Variants in ZFP64 observed in about 807,000 individuals in gnomAD.
ZFP64 encodes the protein zinc finger protein 64.
A neutral mutation model predicts 51.6 loss-of-function variants in ZFP64; 14 were observed. The observed-to-expected ratio is 0.27, with a 90% CI of 0.18 to 0.42. The LOEUF is 0.42. Ranked by LOEUF, ZFP64 falls within the 10% of genes least tolerant of loss-of-function variation. The pLI is 1.00. For missense variants in ZFP64, 754 were observed against 906.8 expected, an observed-to-expected ratio of 0.83 and a Z score of 2.16; for synonymous variants, 375 against 361.4, an observed-to-expected ratio of 1.04 and a Z score of -0.43.
In ZFP64 at chr20:52,157,595, C is replaced by T. The variant is rs530022607; in HGVS notation, c.763+2528G>A. Among the ~76,000 whole-genome samples, 62 of 152,328 alleles carry T rather than the reference C, an allele frequency of 4.1e-4. 1 individual carries two copies. The South Asian group carries it at 0.013, about 31-fold the overall frequency. On this transcript the variant is annotated intron_variant, in intron 5 of 5. Transcript: ENST00000216923. ...TTCCCTAACCCCTGAGTAGGGGGAA[C>T]CTGTGCCCAGAAGAATTTCAGAAAT... is the stretch of plus-strand genomic sequence containing the variant.
chr20:52,148,706 G>GAA (rs11297522), downstream of ZFP64, among the ~76,000 whole-genome samples: 1 of 121,970 alleles, frequency 8.2e-6, no homozygotes, highest in Admixed American at 8.0e-5. Context: ...CTCAAAACAA[G>GAA]AAAAAAAAAA....
chr20:52,165,419 T>C (rs1487120719), intron 3 of ZFP64: 1 of 455,002 alleles, frequency 2.2e-6, no homozygotes, highest in South Asian at 1.6e-5. Context: ...ATACAAAGAA[T>C]GACAAAGCAA....
chr20:52,184,629 T>TTTTTTG, intron 2 of ZFP64, among the ~76,000 whole-genome samples: 1 of 151,974 alleles, frequency 6.6e-6, no homozygotes. Flanking sequence ...TAAATCCCTC[T>TTTTTTG]TTTTTATTTT....
intron 5 of ZFP64, among the ~76,000 whole-genome samples, chr20:52,121,385 G>A (rs541274291): frequency 1.4e-5 from 2 of 145,364 alleles, no homozygotes; most frequent in South Asian, 4.3e-4. Context: ...GTGAACACAT[G>A]AGTGATAAAA....
intron 2 of ZFP64, among the ~76,000 whole-genome samples, chr20:52,181,068 G>A (rs374958672): frequency 1.3e-5 from 2 of 152,062 alleles, no homozygotes; most frequent in East Asian, 3.9e-4. Context: ...TCAGCCTCCC[G>A]AGTACCTGGG....
intron 5 of ZFP64, among the ~76,000 whole-genome samples, chr20:52,145,927 G>A (rs140858196): frequency 5.9e-5 from 9 of 152,102 alleles, no homozygotes; most frequent in Non-Finnish European, 1.2e-4. Context: ...CTTTATACAT[G>A]TATTAATTAT....
chr20:52,090,260 A>G (rs1475493190), intron 7 of ZFP64, among the ~76,000 whole-genome samples: 2 of 152,216 alleles, frequency 1.3e-5, no homozygotes, highest in African/African-American at 4.8e-5. Flanking sequence ...TCCTCAGAAC[A>G]GTGGATGCTA....
intron 2 of ZFP64, among the ~76,000 whole-genome samples, chr20:52,174,174 C>A (rs1304461423): frequency 6.6e-6 from 1 of 152,106 alleles, no homozygotes; most frequent in East Asian, 1.9e-4. Context: ...AAAGGGCTAA[C>A]CTCTTTTATA....
chr20:52,128,247 T>G (rs1262546697), intron 5 of ZFP64, among the ~76,000 whole-genome samples: 6 of 152,170 alleles, frequency 3.9e-5, no homozygotes, highest in Non-Finnish European at 8.8e-5. Flanking sequence ...GAGACCAGCC[T>G]GGGCAACATA....
rs1415778766 is a variant in ZFP64, at chr20:52,160,988, G to A, written c.512-614C>T. Among the ~76,000 whole-genome samples the A allele has an allele frequency of 2.6e-5, 4 of 151,860 alleles. No homozygotes were observed. The highest frequency in any genetic ancestry group is 7.2e-5 in the African/African-American group (3 of 41,426). The stretch of plus-strand genomic sequence containing the variant: ...AGGGCAGGTGAGTGAGTCGGTGAGC[G>A]CAGGTGAGTGAGCAGGTGAGGGCAG... On this transcript the variant is annotated intron_variant, in intron 4 of 5. Coordinates refer to ENST00000216923, the MANE Select transcript of ZFP64 (RefSeq NM_018197.3). The surrounding 1 kb of genome is among the most constrained non-coding windows in gnomAD (Gnocchi z 4.2).
chr20:52,097,105 G>A (rs373132609), intron 7 of ZFP64: 10 of 688,076 alleles, frequency 1.5e-5, no homozygotes, highest in Middle Eastern at 4.7e-4. Flanking sequence ...CTCAGCAGCT[G>A]GCTGCCCTAA....
At position 52,152,740 on chromosome 20, in the gene ZFP64, G is replaced by C. The variant is rs1459818999; in HGVS notation, c.1452C>G (p.Leu484=). 2.5e-6 allele frequency: 4 copies of C among 1,582,106 alleles called. No individual in the cohort carries two copies. The highest frequency in any genetic ancestry group is 8.6e-7 in the Non-Finnish European group (1 of 1,161,772). ...PLTVGHLQVP[L]QPSQVPQFSE... is the part of the protein sequence containing the mutation. ...TGAACTGGGGCACTTGGCTGGGCTGGAGGGGCACCTGGAGGTGTCCCACAG... is the reference window on the plus strand; with the variant it reads ...TGAACTGGGGCACTTGGCTGGGCTGCAGGGGCACCTGGAGGTGTCCCACAG... Residue 484 remains leucine, a synonymous_variant, in exon 6 of 6, where the codon CTC becomes CTG. Transcript: ENST00000216923.
chr20:52,152,024 G>A lies in ZFP64; in HGVS notation c.*122C>T, dbSNP rs1447642875. The A allele has an allele frequency of 4.6e-5, 67 of 1,449,436 alleles. 1 individual carries two copies. The highest frequency in any genetic ancestry group is 5.6e-5 in the Non-Finnish European group (62 of 1,103,596). 89.8% of individuals were successfully genotyped at this position (1,449,436 alleles called of 1,614,324 possible). Reference sequence around the variant, plus strand: ...TGCACTCCAGCCTGGGAAACAGAGCGAGACTCCGTCTCAAAAACAAAACAA... The same window carrying A: ...TGCACTCCAGCCTGGGAAACAGAGCAAGACTCCGTCTCAAAAACAAAACAA... On this transcript the variant is annotated 3_prime_UTR_variant, in exon 6 of 6. Coordinates refer to ENST00000216923, the MANE Select transcript of ZFP64 (RefSeq NM_018197.3).
intron 5 of ZFP64, chr20:52,098,694 A>G: frequency 6.9e-7 from 1 of 1,444,032 alleles, no homozygotes; most frequent in East Asian, 2.3e-5. Flanking sequence ...CCTTTCCAGA[A>G]AAAATTTAAA....
intron 6 of ZFP64, among the ~76,000 whole-genome samples, chr20:52,097,753 C>A (rs1161240894): frequency 1.3e-5 from 2 of 152,124 alleles, no homozygotes; most frequent in South Asian, 2.1e-4. Flanking sequence ...AGCCACCATG[C>A]CTGGCCTGAA....
At chr20:52,168,352 T>C (rs1982452063) in intron 2 of ZFP64, among the ~76,000 whole-genome samples, 1 of 152,248 alleles carries the variant, frequency 6.6e-6, no homozygotes. Flanking sequence ...TGAAATGTTT[T>C]CATTTGCTCT....
chr20:52,160,325 T>C lies in ZFP64; in HGVS notation c.561A>G (p.Lys187=), dbSNP rs1981682781. 6.2e-7 allele frequency: 1 copy of C among 1,614,138 alleles called. No individual in the cohort carries two copies. The change falls in exon 5 of 6, where the codon AAA becomes AAG. Residue 187 remains lysine (K), a synonymous_variant. Transcript: ENST00000216923. This position sits in a 1 kb window ranked among gnomAD's most constrained non-coding sequence, Gnocchi z 4.2. ...CEVCGKCFSR[K]DKLKTHMRCH... ...ACCGCATGTGAGTTTTCAGCTTGTC[T>C]TTCCGGCTAAAGCACTTGCCACAGA...
intron 5 of ZFP64, among the ~76,000 whole-genome samples, chr20:52,109,207 G>A (rs1482722958): frequency 6.6e-6 from 1 of 151,872 alleles, no homozygotes; most frequent in Non-Finnish European, 1.5e-5. Flanking sequence ...CTGGAGTGCA[G>A]TGGCATGATC....
rs568621394 is a variant in ZFP64, at chr20:52,191,539, C to G, written c.46+52G>C. 1.4e-5 allele frequency: 21 copies of G among 1,506,508 alleles called. No individual in the cohort carries two copies. The highest frequency in any genetic ancestry group is 4.3e-5 in the African/African-American group (3 of 69,346). The allele number at this position is 1,506,508 out of a possible 1,614,324, so 93.3% of individuals were successfully genotyped here. A position where few individuals can be genotyped will look rare whatever the true frequency, so the allele number is the denominator to read the frequency against. On this transcript the variant is annotated intron_variant, in intron 1 of 5. Coordinates refer to ENST00000216923, the MANE Select transcript of ZFP64 (RefSeq NM_018197.3). The surrounding 1 kb of genome is among the most constrained non-coding windows in gnomAD (Gnocchi z 4.3). The stretch of plus-strand genomic sequence containing the variant: ...CGCAGACGTGCTTGGGCCCGGGCCC[C>G]GGAGCGCGCACTGGGCCCCGGAGCG...
Sources: gnomAD v4.1 joint callset for allele counts (sites outside exome capture counted in the v4.1 genomes callset) on GRCh38, gnomAD v4.1.1 for gene constraint, Gnocchi (gnomAD v3.1) non-coding constraint, MANE v1.5 for transcripts, NCBI Gene and HGNC (gene_info 2026-07-23, HGNC 2026-07-21) for gene names.